The following PPP6R2 variants were observed in gnomAD, a reference collection of about 807,000 sequenced individuals.
PPP6R2 encodes serine/threonine-protein phosphatase 6 regulatory subunit 2.
PPP6R2 carries 62 observed loss-of-function variants against 100.2 expected under a neutral mutation model. The observed-to-expected ratio is 0.62, with a 90% CI of 0.50 to 0.76. The LOEUF (loss-of-function observed/expected upper bound fraction) is 0.76, where lower values mean the gene tolerates loss of function less well. Among genes scored for constraint, PPP6R2 ranks in the 30% least tolerant of loss-of-function variants. The pLI, the probability that PPP6R2 is intolerant of heterozygous loss-of-function variation, is 0.00. For missense variants in PPP6R2, 1,142 were observed against 1,276.3 expected (o/e 0.89, Z 1.60); for synonymous variants, 525 against 514.7 (o/e 1.02, Z -0.27).
At chr22:50,343,825 C>T (rs1220274708) in intron 1 of PPP6R2, among the ~76,000 whole-genome samples, 1 of 33,518 alleles carries the variant, frequency 3.0e-5, no homozygotes, top group Admixed American at 2.7e-4. Context: ...CCAGTCAGTT[C>T]CCCCCCAGTC....
chr22:50,371,108 G>A lies in PPP6R2; in HGVS notation c.-147-912G>A, dbSNP rs543947452. Among the ~76,000 whole-genome samples, 11 of 152,116 alleles carry A rather than the reference G, an allele frequency of 7.2e-5. No homozygotes were observed. In the South Asian group the frequency reaches 1.0e-3, roughly 14 times the overall value. ...TCTGAAGGACTTCATACCTGACAAC[G>A]CCAATTAAACATAATACTCCACCCA... On this transcript the variant is annotated intron_variant, in intron 1 of 23. Transcript: ENST00000612753.
chr22:50,435,246 C>T (rs1053223425), intron 13 of PPP6R2, among the ~76,000 whole-genome samples, 165 bp downstream of exon 13: 3 of 152,224 alleles, frequency 2.0e-5, no homozygotes, highest in African/African-American at 4.8e-5. Context: ...CATCTCTCCT[C>T]GTGGGGGCCT....
chr22:50,419,816 C>G (rs2061063064), intron 8 of PPP6R2, among the ~76,000 whole-genome samples: 1 of 152,228 alleles, frequency 6.6e-6, no homozygotes, highest in South Asian at 2.1e-4. Context: ...GCAGGGTTTC[C>G]ACTCTGATGC....
chr22:50,346,684 G>A (rs1016191590), intron 1 of PPP6R2, among the ~76,000 whole-genome samples: 5 of 131,348 alleles, frequency 3.8e-5, no homozygotes, highest in African/African-American at 1.5e-4. Context: ...TCCTCCTGTC[G>A]GTCAGTGCCT....
chr22:50,437,894 G>T lies in PPP6R2; in HGVS notation c.1833G>T (p.Glu611Asp). The T allele has an allele frequency of 6.4e-7, 1 of 1,556,852 alleles. No individual in the cohort carries two copies. Among genetic ancestry groups the T allele is most frequent in the East Asian group, 2.4e-5 (1 of 41,166 alleles). ...TCAACTTCAACATCGACGCTGACGA[G>T]GACAGTGTGAGCAAGCCGGGCTGTG... is the stretch of plus-strand genomic sequence containing the variant. The part of the protein sequence containing the change: ...AEINFNIDAD[E>D]DSPSAALFEA... The change falls in exon 17 of 24, where the codon GAG (glutamate) becomes GAT (aspartate). Residue 611 changes from glutamate (E) to aspartate (D), a missense_variant. Transcript: ENST00000612753.
chr22:50,427,094 C>G, intron 10 of PPP6R2, among the ~76,000 whole-genome samples: 1 of 150,300 alleles, frequency 6.7e-6, no homozygotes, highest in Middle Eastern at 3.5e-3. Flanking sequence ...GAGGCTGAGG[C>G]AGGAGAATGG....
chr22:50,339,812 GGT>G (rs1419808188), upstream of PPP6R2, among the ~76,000 whole-genome samples: 146 of 74,838 alleles, frequency 2.0e-3, 1 homozygote, highest in African/African-American at 8.7e-3. Flanking sequence ...ATGTGTGTGT[GGT>G]GTGTGGGGTA....
At chr22:50,360,121 C>T (rs1291980212) in intron 1 of PPP6R2, among the ~76,000 whole-genome samples, 3 of 149,500 alleles carry the variant, frequency 2.0e-5, no homozygotes, top group South Asian at 2.1e-4. Context: ...GGCACAATGT[C>T]GGCTCACTGC....
intron 12 of PPP6R2, 65 bp from the exon 13 acceptor site, chr22:50,434,901 T>C: frequency 1.4e-6 from 2 of 1,451,980 alleles, no homozygotes; most frequent in Non-Finnish European, 1.9e-6. Context: ...CACTTGGCTC[T>C]CTGGGTCGTG....
At chr22:50,377,168 T>C (rs2051782672) in intron 2 of PPP6R2, among the ~76,000 whole-genome samples, 1 of 152,154 alleles carries the variant, frequency 6.6e-6, no homozygotes, top group Admixed American at 6.6e-5. Flanking sequence ...GTATCACAAA[T>C]TCAGGCCAGG....
Position 50,431,743 on chromosome 22 carries a change from G to A in PPP6R2, c.1335+361G>A, listed in dbSNP as rs2063185481. ...CACACGGTGGGGAGGGGATGCTGAG[G>A]GACATGCAGGCCAACCAGGGACTGT... On this transcript the variant is annotated intron_variant, in intron 11 of 23. Transcript: ENST00000612753. This position sits in a 1 kb window ranked among gnomAD's most constrained non-coding sequence, Gnocchi z 4.8. Among the ~76,000 whole-genome samples the A allele has an allele frequency of 6.6e-6, 1 of 152,104 alleles. No individual in the cohort carries two copies. The highest frequency in any genetic ancestry group is 2.1e-4 in the South Asian group (1 of 4,828).
chr22:50,356,755 T>C (rs2046677706), intron 1 of PPP6R2, among the ~76,000 whole-genome samples: 1 of 151,614 alleles, frequency 6.6e-6, no homozygotes, highest in Non-Finnish European at 1.5e-5. Flanking sequence ...ACCAACATGG[T>C]GAAACCCCGT....
intron 1 of PPP6R2, among the ~76,000 whole-genome samples, chr22:50,352,692 T>C (rs1429778725): frequency 6.6e-6 from 1 of 150,494 alleles, no homozygotes; most frequent in Non-Finnish European, 1.5e-5. Flanking sequence ...GCCACTGCAC[T>C]CCAGCCTGGT....
At chr22:50,338,054 ATGTGTGTGG>A in the PPP6R2 span, among the ~76,000 whole-genome samples, 1,593 of 67,520 alleles carry the variant, frequency 0.024, 25 homozygotes, top group African/African-American at 0.082. Flanking sequence ...GTGTGGTGTG[ATGTGTGTGG>A]TGTGTGTGGT....
chr22:50,338,487 GTGTA>G (rs2042328783), upstream of PPP6R2, among the ~76,000 whole-genome samples: 1 of 134,136 alleles, frequency 7.5e-6, no homozygotes, highest in Non-Finnish European at 1.6e-5. Context: ...GTGTTATGTA[GTGTA>G]TGTGGTATGT....
intron 1 of PPP6R2, among the ~76,000 whole-genome samples, chr22:50,350,230 T>C (rs2044727721): frequency 6.6e-6 from 1 of 152,094 alleles, no homozygotes; most frequent in Non-Finnish European, 1.5e-5. Flanking sequence ...CTACTTCTAG[T>C]TCTGTTACTT....
chr22:50,340,499 GGTGTGGTGTGT>G (rs373316681), upstream of PPP6R2, among the ~76,000 whole-genome samples: 26,363 of 125,244 alleles, frequency 0.21, 3,823 homozygotes, highest in African/African-American at 0.45. Context: ...GTGTGTGTAG[GGTGTGGTGTGT>G]GTGTGGTGTG....
chr22:50,439,419 C>T (rs1307901849), intron 19 of PPP6R2, among the ~76,000 whole-genome samples: 1 of 152,154 alleles, frequency 6.6e-6, no homozygotes, highest in African/African-American at 2.4e-5. Context: ...GGCATCACCT[C>T]CACACTGTCA....
At chr22:50,432,117 G>C in intron 11 of PPP6R2, 148 bp from the exon 12 acceptor site, 1 of 703,834 alleles carries the variant, frequency 1.4e-6, no homozygotes. Context: ...GACCGCGGAG[G>C]CTGGGGCTGT....
Sources: gnomAD v4.1 joint callset for allele counts (sites outside exome capture counted in the v4.1 genomes callset) on GRCh38, gnomAD v4.1.1 for gene constraint, Gnocchi (gnomAD v3.1) non-coding constraint, MANE v1.5 for transcripts, NCBI Gene and HGNC (gene_info 2026-07-23, HGNC 2026-07-21) for gene names.